Variants in TNRC6C observed in about 807,000 individuals in gnomAD.
The protein encoded by TNRC6C is trinucleotide repeat-containing gene 6C protein.
In TNRC6C, 20 loss-of-function variants were observed where a neutral mutation model predicts 153.7. That is an observed-to-expected ratio of 0.13 (90% confidence interval 0.09 to 0.19). The LOEUF is 0.19. TNRC6C is among the 10% of genes least tolerant of loss of function. The pLI is 1.00. For synonymous variants in TNRC6C, 811 were observed against 841.4 expected (o/e 0.96, Z 0.63); for missense variants, 1,987 against 2,172.0 (o/e 0.91, Z 1.69).
At chr17:78,002,429 G>A (rs1410205687), upstream of TNRC6C, among the ~76,000 whole-genome samples, 1 of 152,240 alleles carries the variant, frequency 6.6e-6, no homozygotes, top group Non-Finnish European at 1.5e-5. Flanking sequence ...AGCCTTTGCA[G>A]GAGGCCAGCG....
chr17:78,100,770 C>CTTTT (rs56816459), intron 17 of TNRC6C, among the ~76,000 whole-genome samples: 2,250 of 103,936 alleles, frequency 0.022, 86 homozygotes, highest in African/African-American at 0.061. Context: ...ATGGGATTTC[C>CTTTT]TTTTTTTTTT....
At chr17:78,002,439 G>A (rs917950982), upstream of TNRC6C, among the ~76,000 whole-genome samples, 3 of 152,194 alleles carry the variant, frequency 2.0e-5, no homozygotes, top group African/African-American at 4.8e-5. Context: ...GGAGGCCAGC[G>A]CCCAGGCAGA....
chr17:78,086,328 T>TAAAAAAAAAAAAAAAAAA (rs58348772), intron 11 of TNRC6C, among the ~76,000 whole-genome samples, 175 bp from the exon 14 acceptor site: 1 of 53,324 alleles, frequency 1.9e-5, no homozygotes, highest in South Asian at 6.8e-4. Flanking sequence ...AGACTCCATC[T>TAAAAAAAAAAAAAAAAAA]AAAAAAAAAA....
intron 1 of TNRC6C, among the ~76,000 whole-genome samples, chr17:78,028,006 C>G (rs552454128): frequency 6.6e-6 from 1 of 151,914 alleles, no homozygotes; most frequent in South Asian, 2.1e-4. Context: ...CGCCATTCTC[C>G]TGCCTCAGCC....
Position 78,075,308 on chromosome 17 carries a change from C to G in TNRC6C, c.3060+30C>G. 1 of 1,549,356 alleles carries G rather than the reference C, an allele frequency of 6.5e-7. No homozygotes were observed. Among genetic ancestry groups the G allele is most frequent in the Non-Finnish European group, 8.7e-7 (1 of 1,143,564 alleles). On this transcript the variant is annotated intron_variant, in intron 8 of 19. Transcript: ENST00000301624. The surrounding 1 kb of genome is among the most constrained non-coding windows in gnomAD (Gnocchi z 4.2). ...GAATATAGGTGGTTTGTTGTTTTTG[C>G]TTTTTTAACAAGAGGAGTTTTTCAT...
exon 14 of TNRC6C, chr17:78,091,524 G>A (rs1214657281): frequency 1.2e-6 from 2 of 1,608,602 alleles, no homozygotes; most frequent in African/African-American, 1.3e-5. Flanking sequence ...TCCCAGTCAC[G>A]CCTCCCCCAG....
intron 7 of TNRC6C, among the ~76,000 whole-genome samples, chr17:78,074,262 T>C (rs1006318031): frequency 1.3e-5 from 2 of 152,194 alleles, no homozygotes; most frequent in Non-Finnish European, 2.9e-5. Flanking sequence ...CAACCTGATA[T>C]CTGAGGCTCA....
chr17:78,067,721 A>G (rs2072910180), intron 4 of TNRC6C, 36 bp from the exon 7 acceptor site: 1 of 1,568,306 alleles, frequency 6.4e-7, no homozygotes, highest in Non-Finnish European at 8.6e-7. Context: ...CGTTAGGGAC[A>G]TGAATTTGAT....
intron 1 of TNRC6C, among the ~76,000 whole-genome samples, chr17:77,978,194 G>A (rs2071029337): frequency 1.3e-5 from 2 of 152,206 alleles, no homozygotes; most frequent in African/African-American, 4.8e-5. Flanking sequence ...ACCGCGCCCG[G>A]CCTAAAACCT....
At chr17:78,036,565 TAAG>T (rs1182838248) in intron 2 of TNRC6C, among the ~76,000 whole-genome samples, 1 of 152,148 alleles carries the variant, frequency 6.6e-6, no homozygotes, top group African/African-American at 2.4e-5. Context: ...TTTAGCTGTG[TAAG>T]AATAGATAAA....
chr17:78,102,362 C>A, intron 17 of TNRC6C, 112 bp from the exon 21 acceptor site: 1 of 958,442 alleles, frequency 1.0e-6, no homozygotes, highest in African/African-American at 1.7e-5. Flanking sequence ...TTTCCTAAAG[C>A]ACGCAGTGAC....
At chr17:77,989,543 G>A in intron 1 of TNRC6C, among the ~76,000 whole-genome samples, 1 of 152,134 alleles carries the variant, frequency 6.6e-6, no homozygotes, top group East Asian at 1.9e-4. Flanking sequence ...AATTTGAGTT[G>A]CAATGCCAAC....
chr17:78,082,515 C>T (rs1286903013), intron 10 of TNRC6C, among the ~76,000 whole-genome samples: 2 of 152,132 alleles, frequency 1.3e-5, no homozygotes, highest in Non-Finnish European at 2.9e-5. Flanking sequence ...TGGTTGCAAA[C>T]AATCAATAGA....
At chr17:78,006,832 T>TTTATTTA (rs1555629355) in intron 1 of TNRC6C, among the ~76,000 whole-genome samples, 3,809 of 142,258 alleles carry the variant, frequency 0.027, 59 homozygotes, top group Non-Finnish European at 0.043. Flanking sequence ...TTATTTATTT[T>TTTATTTA]TTTTTTTTTT....
chr17:77,962,949 A>C (rs138285929), intron 1 of TNRC6C, among the ~76,000 whole-genome samples: 21 of 152,336 alleles, frequency 1.4e-4, no homozygotes, highest in African/African-American at 5.1e-4. Context: ...GGACAGCAAA[A>C]TATCAGGTGA....
chr17:78,074,563 T>A (rs2073052645), intron 7 of TNRC6C, among the ~76,000 whole-genome samples: 1 of 152,170 alleles, frequency 6.6e-6, no homozygotes, highest in African/African-American at 2.4e-5. Flanking sequence ...AAACACACAC[T>A]AGTCATTAAG....
At chr17:78,067,783 G>A in exon 5 of TNRC6C, 1 of 1,613,000 alleles carries the variant, frequency 6.2e-7, no homozygotes, top group South Asian at 1.1e-5. Context: ...AGAAGGCTGG[G>A]GCAGTGGTGG....
At chr17:78,034,946 G>A (rs1466513963) in intron 2 of TNRC6C, among the ~76,000 whole-genome samples, 1 of 152,116 alleles carries the variant, frequency 6.6e-6, no homozygotes, top group Non-Finnish European at 1.5e-5. Context: ...TCCAGCCTGG[G>A]CAACAGGAAA....
At chr17:78,033,611 G>A (rs146852201) in intron 2 of TNRC6C, among the ~76,000 whole-genome samples, 6 of 152,126 alleles carry the variant, frequency 3.9e-5, no homozygotes, top group African/African-American at 1.2e-4. Flanking sequence ...GGAGGTTGCG[G>A]CGAGCCGAGA....
Sources: allele counts gnomAD v4.1 joint callset (sites outside exome capture counted in the v4.1 genomes callset), GRCh38; gene constraint gnomAD v4.1.1; non-coding constraint Gnocchi (gnomAD v3.1); transcripts MANE v1.5; gene names NCBI Gene and HGNC (gene_info 2026-07-23, HGNC 2026-07-21).